RABGAP1L: variants seen among roughly 807,000 people sequenced by gnomAD.
RABGAP1L encodes rab GTPase-activating protein 1-like.
RABGAP1L carries 63 observed loss-of-function variants against 137.7 expected under a neutral mutation model. The ratio of observed to expected loss-of-function variants is 0.46; its 90% CI spans 0.37 to 0.56. The LOEUF (loss-of-function observed/expected upper bound fraction) is 0.56. Among genes scored for constraint, RABGAP1L ranks in the 20% least tolerant of loss-of-function variants. RABGAP1L has a pLI of 0.00. For synonymous variants in RABGAP1L, 431 were observed against 433.7 expected, an observed-to-expected ratio of 0.99 and a Z score of 0.08; for missense variants, 1,095 against 1,244.0, an observed-to-expected ratio of 0.88 and a Z score of 1.80.
At chr1:174,415,579 C>T (rs940304484) in intron 13 of RABGAP1L, among the ~76,000 whole-genome samples, 2 of 151,992 alleles carry the variant, frequency 1.3e-5, no homozygotes, top group East Asian at 1.9e-4. Flanking sequence ...AGCATCATGA[C>T]GCTTCTACCT....
chr1:174,698,987 T>C (rs1679455213), intron 15 of RABGAP1L, among the ~76,000 whole-genome samples: 1 of 149,266 alleles, frequency 6.7e-6, no homozygotes, highest in African/African-American at 2.4e-5. Flanking sequence ...ACATTGTTTT[T>C]ATTTTATTTT....
chr1:174,620,118 C>T (rs1290293424), intron 13 of RABGAP1L, among the ~76,000 whole-genome samples: 1 of 152,152 alleles, frequency 6.6e-6, no homozygotes, highest in African/African-American at 2.4e-5. Context: ...AATACAGGAG[C>T]ACCCAGATTC....
intron 1 of RABGAP1L, among the ~76,000 whole-genome samples, chr1:174,195,808 TCTA>T (rs1667632177): frequency 9.0e-6 from 1 of 111,232 alleles, no homozygotes; most frequent in Non-Finnish European, 2.1e-5. Flanking sequence ...TTTCTTTCTT[TCTA>T]TCCTTCTTTC....
intron 13 of RABGAP1L, among the ~76,000 whole-genome samples, chr1:174,536,911 A>G (rs1664937433): frequency 6.6e-6 from 1 of 152,164 alleles, no homozygotes; most frequent in Non-Finnish European, 1.5e-5. Context: ...ACATTTTAAA[A>G]CAATTTTCTT....
At chr1:174,948,509 CAAAAAA>C (rs3086627) in intron 19 of RABGAP1L, among the ~76,000 whole-genome samples, 2 of 64,910 alleles carry the variant, frequency 3.1e-5, no homozygotes, top group South Asian at 5.6e-4. Flanking sequence ...GACCCTGCCT[CAAAAAA>C]AAAAAAAAAA....
intron 19 of RABGAP1L, among the ~76,000 whole-genome samples, chr1:174,936,572 G>T (rs1413295298): frequency 5.9e-5 from 9 of 152,124 alleles, no homozygotes; most frequent in Admixed American, 2.0e-4. Flanking sequence ...ACTCCAGCCT[G>T]GGCAACAGAG....
At chr1:174,521,838 T>G (rs1388016592) in intron 13 of RABGAP1L, among the ~76,000 whole-genome samples, 6 of 152,158 alleles carry the variant, frequency 3.9e-5, no homozygotes, top group African/African-American at 1.4e-4. Flanking sequence ...CCCAGTACTT[T>G]GGGAGGTTGA....
chr1:174,586,071 A>G (rs1176047837), intron 13 of RABGAP1L, among the ~76,000 whole-genome samples: 1 of 152,192 alleles, frequency 6.6e-6, no homozygotes, highest in Admixed American at 6.5e-5. Context: ...AGATACATGC[A>G]TGCGTATGTT....
At chr1:174,193,338 C>A (rs1667343742) in intron 1 of RABGAP1L, among the ~76,000 whole-genome samples, 1 of 152,200 alleles carries the variant, frequency 6.6e-6, no homozygotes, top group African/African-American at 2.4e-5. Flanking sequence ...TCAAGACCAC[C>A]CTTGCCAACA....
intron 12 of RABGAP1L, among the ~76,000 whole-genome samples, chr1:174,373,107 T>C (rs1177206288): frequency 6.6e-6 from 1 of 152,226 alleles, no homozygotes; most frequent in Non-Finnish European, 1.5e-5. Context: ...TGTTTTTATC[T>C]GTTTTATTTA....
intron 19 of RABGAP1L, among the ~76,000 whole-genome samples, chr1:174,896,772 G>T (rs951941260): frequency 6.6e-6 from 1 of 152,090 alleles, no homozygotes; most frequent in Non-Finnish European, 1.5e-5. Context: ...TTATTTCTGA[G>T]GGCTCTGTTC....
At chr1:174,653,161 G>A (rs1043187126) in intron 14 of RABGAP1L, among the ~76,000 whole-genome samples, 15 of 152,282 alleles carry the variant, frequency 9.9e-5, no homozygotes, top group African/African-American at 3.4e-4. Context: ...CCAAGCTGGA[G>A]TAACCCAGGG....
chr1:174,427,557 G>T (rs79088991), intron 13 of RABGAP1L, among the ~76,000 whole-genome samples: 147 of 152,204 alleles, frequency 9.7e-4, no homozygotes, highest in African/African-American at 3.5e-3. Flanking sequence ...GAAAAAGGAA[G>T]TTGTACTGGC....
At chr1:174,688,799 A>G (rs1678658208) in intron 15 of RABGAP1L, among the ~76,000 whole-genome samples, 1 of 152,186 alleles carries the variant, frequency 6.6e-6, no homozygotes, top group Non-Finnish European at 1.5e-5. Context: ...AATGAATCAT[A>G]TAAACATAAG....
chr1:174,510,868 A>C (rs1421896747), intron 13 of RABGAP1L, among the ~76,000 whole-genome samples: 1 of 152,204 alleles, frequency 6.6e-6, no homozygotes, highest in Non-Finnish European at 1.5e-5. Flanking sequence ...TAATTAGTTG[A>C]TTTTCAAGGC....
chr1:174,456,669 A>G (rs1656072554), intron 13 of RABGAP1L, among the ~76,000 whole-genome samples: 1 of 152,272 alleles, frequency 6.6e-6, no homozygotes, highest in South Asian at 2.1e-4. Context: ...TAGTTACAGA[A>G]AAATTAAAGG....
chr1:174,362,283 C>A (rs1055255597), intron 11 of RABGAP1L, among the ~76,000 whole-genome samples: 28 of 152,140 alleles, frequency 1.8e-4, no homozygotes, highest in African/African-American at 6.0e-4. Flanking sequence ...ATTTATATTT[C>A]TTTGGGTATA....
intron 7 of RABGAP1L, among the ~76,000 whole-genome samples, chr1:174,266,540 T>C (rs1235325774): frequency 6.6e-6 from 1 of 152,170 alleles, no homozygotes; most frequent in South Asian, 2.1e-4. Flanking sequence ...CCCAAACACA[T>C]GGTTCAAATT....
chr1:174,803,151 A>G (rs1688915616), intron 18 of RABGAP1L, among the ~76,000 whole-genome samples: 1 of 152,152 alleles, frequency 6.6e-6, no homozygotes, highest in Non-Finnish European at 1.5e-5. Context: ...TCTGAGCCTT[A>G]TTACTTATTG....
Sources: allele counts gnomAD v4.1 joint callset (sites outside exome capture counted in the v4.1 genomes callset), GRCh38; gene constraint gnomAD v4.1.1; transcripts MANE v1.5; gene names NCBI Gene and HGNC (gene_info 2026-07-23, HGNC 2026-07-21).